The following CSMD1 variants were observed in gnomAD, a reference collection of about 807,000 sequenced individuals.
CSMD1 encodes CUB and Sushi multiple domains 1, also known as CUB and sushi domain-containing protein 1.
CSMD1 carries 213 observed loss-of-function variants against 417.5 expected under a neutral mutation model. The observed-to-expected ratio is 0.51, with a 90% CI of 0.46 to 0.57. The LOEUF (loss-of-function observed/expected upper bound fraction) is 0.57. CSMD1 is among the 20% of genes least tolerant of loss of function. The pLI is 0.00. For missense variants in CSMD1, 6,923 were observed against 4,529.7 expected (o/e 1.53, Z -15.17); for synonymous variants, 2,862 against 1,736.8 (o/e 1.65, Z -16.11).
intron 10 of CSMD1, among the ~76,000 whole-genome samples, chr8:3,570,203 G>A (rs941981459): frequency 1.3e-5 from 2 of 152,172 alleles, no homozygotes; most frequent in African/African-American, 4.8e-5. Flanking sequence ...AAAGTAAAAG[G>A]AAGATACTGT....
intron 7 of CSMD1, among the ~76,000 whole-genome samples, chr8:3,668,238 G>A (rs919312090): frequency 1.3e-5 from 2 of 152,148 alleles, no homozygotes; most frequent in Admixed American, 6.5e-5. Flanking sequence ...CACCACTGCT[G>A]GATCTCATTC....
chr8:3,495,063 A>G (rs1411385666), intron 10 of CSMD1, among the ~76,000 whole-genome samples: 1 of 152,218 alleles, frequency 6.6e-6, no homozygotes, highest in Non-Finnish European at 1.5e-5. Context: ...ATTTATTTAA[A>G]AAACCTACTA....
chr8:3,613,240 G>T (rs1801976429), intron 8 of CSMD1: 4 of 422,868 alleles, frequency 9.5e-6, no homozygotes, highest in Admixed American at 5.4e-5. Context: ...ACATAAGCCT[G>T]TAAGTAGAAA....
intron 25 of CSMD1, among the ~76,000 whole-genome samples, chr8:3,285,836 T>TA (rs573003625): frequency 2.8e-3 from 431 of 151,426 alleles, no homozygotes; most frequent in African/African-American, 0.01. Flanking sequence ...TATATATATA[T>TA]TTTATTATTA....
At chr8:3,865,286 G>C (rs1225804688) in intron 5 of CSMD1, among the ~76,000 whole-genome samples, 1 of 152,206 alleles carries the variant, frequency 6.6e-6, no homozygotes, top group Non-Finnish European at 1.5e-5. Context: ...ACATCTCAGA[G>C]AGCGGTACTT....
intron 25 of CSMD1, among the ~76,000 whole-genome samples, chr8:3,293,074 C>T (rs1328363927): frequency 6.6e-6 from 1 of 152,020 alleles, no homozygotes; most frequent in African/African-American, 2.4e-5. Flanking sequence ...TTTATTTCTC[C>T]TTCACTTATG....
At chr8:3,268,492 T>G (rs1801601690) in intron 26 of CSMD1, among the ~76,000 whole-genome samples, 1 of 151,888 alleles carries the variant, frequency 6.6e-6, no homozygotes, top group Admixed American at 6.6e-5. Context: ...GGTTTCACCG[T>G]GTTAGCCAGG....
chr8:3,311,822 TAAC>T lies in CSMD1; in HGVS notation c.3632-3322_3632-3320del, dbSNP rs555359562. ...TTTTCTTCACTGGAGACATGTGTAA[TAAC>T]ATTCATTTTCCTGTGGGACTTACAA... On this transcript the variant is annotated intron_variant, in intron 23 of 69. Coordinates refer to ENST00000635120, the MANE Select transcript of CSMD1 (RefSeq NM_033225.6). 2.8e-4 allele frequency among the ~76,000 whole-genome samples: 43 copies of T among 152,298 alleles called. No homozygotes were observed. In the South Asian group the frequency reaches 8.3e-3, roughly 29 times the overall value.
intron 5 of CSMD1, among the ~76,000 whole-genome samples, chr8:3,899,873 C>T (rs374553939): frequency 6.6e-6 from 1 of 152,206 alleles, no homozygotes; most frequent in African/African-American, 2.4e-5. Flanking sequence ...AGTTCCTTTA[C>T]TCCAAACCCT....
chr8:3,662,161 C>G (rs548719222), intron 7 of CSMD1, among the ~76,000 whole-genome samples: 1 of 152,296 alleles, frequency 6.6e-6, no homozygotes, highest in Admixed American at 6.5e-5. Flanking sequence ...ATAGAGATAG[C>G]TCACCAAGGA....
intron 5 of CSMD1, among the ~76,000 whole-genome samples, chr8:3,756,682 G>A (rs1797678708): frequency 6.6e-6 from 1 of 152,180 alleles, no homozygotes; most frequent in African/African-American, 2.4e-5. Context: ...GAAGCTGCAT[G>A]TACTTGCTAA....
At chr8:3,388,379 T>C (rs191583807) in intron 17 of CSMD1, among the ~76,000 whole-genome samples, 160 of 152,196 alleles carry the variant, frequency 1.1e-3, no homozygotes, top group African/African-American at 3.6e-3. Flanking sequence ...GAAAAACATA[T>C]ATTTTAAGAG....
At chr8:3,877,873 A>C (rs1395212670) in intron 5 of CSMD1, among the ~76,000 whole-genome samples, 1 of 152,150 alleles carries the variant, frequency 6.6e-6, no homozygotes, top group Non-Finnish European at 1.5e-5. Flanking sequence ...ACATTACTAA[A>C]CCATTCAGAA....
intron 1 of CSMD1, among the ~76,000 whole-genome samples, chr8:4,928,231 G>C (rs28375507): frequency 8.5e-4 from 130 of 152,198 alleles, no homozygotes; most frequent in African/African-American, 3.0e-3. Flanking sequence ...TTGCTCTCTT[G>C]CTTCCACTGG....
intron 47 of CSMD1, among the ~76,000 whole-genome samples, chr8:3,092,898 C>T (rs1479444260): frequency 7.4e-6 from 1 of 135,864 alleles, no homozygotes; most frequent in African/African-American, 2.6e-5. Context: ...GAGAATGCAG[C>T]TCTCATTGTT....
At chr8:3,060,028 G>A (rs1812488066) in intron 49 of CSMD1, among the ~76,000 whole-genome samples, 2 of 151,992 alleles carry the variant, frequency 1.3e-5, no homozygotes, top group African/African-American at 2.4e-5. Flanking sequence ...AGACCATGAA[G>A]TATTTCTAAC....
intron 50 of CSMD1, among the ~76,000 whole-genome samples, chr8:3,032,428 C>T (rs1449128148): frequency 6.6e-6 from 1 of 152,134 alleles, no homozygotes; most frequent in African/African-American, 2.4e-5. Context: ...ACAGTGCCAA[C>T]AGCCCCCACG....
chr8:3,332,685 G>T (rs997841347), intron 23 of CSMD1, among the ~76,000 whole-genome samples: 8 of 151,682 alleles, frequency 5.3e-5, no homozygotes, highest in African/African-American at 2.0e-4. Flanking sequence ...GCATGTGTGC[G>T]TGCGCACACA....
intron 5 of CSMD1, among the ~76,000 whole-genome samples, chr8:3,943,326 A>C (rs532539841): frequency 6.6e-6 from 1 of 151,762 alleles, no homozygotes; most frequent in African/African-American, 2.4e-5. Flanking sequence ...TAGAAGAGTG[A>C]AGTATTCTTG....
Sources: allele counts gnomAD v4.1 joint callset (sites outside exome capture counted in the v4.1 genomes callset), GRCh38; gene constraint gnomAD v4.1.1; transcripts MANE v1.5; gene names NCBI Gene and HGNC (gene_info 2026-07-23, HGNC 2026-07-21).